Variants in TMPRSS11A observed in about 807,000 individuals in gnomAD.
TMPRSS11A encodes transmembrane protease serine 11A.
TMPRSS11A carries 53 observed loss-of-function variants against 58.9 expected under a neutral mutation model. The ratio of observed to expected loss-of-function variants is 0.90; its 90% CI spans 0.72 to 1.13. TMPRSS11A has a LOEUF of 1.13. Among genes scored for constraint, TMPRSS11A ranks in the 50% most tolerant of loss-of-function variants. TMPRSS11A has a pLI of 0.00. For synonymous variants in TMPRSS11A, 167 were observed against 169.8 expected, an observed-to-expected ratio of 0.98 and a Z score of 0.13; for missense variants, 493 against 499.3, an observed-to-expected ratio of 0.99 and a Z score of 0.12.
Position 67,938,037 on chromosome 4 carries a change from C to G in TMPRSS11A, c.253-5977G>C, listed in dbSNP as rs530303988. On this transcript the variant is annotated intron_variant, in intron 3 of 9. Transcript: ENST00000508048. ...ACGTTTCCAACAGTATTTAAGCATT[C>G]TCTTTCCTCCGCAGTCTCATCAGCA... Among the ~76,000 whole-genome samples, 91 of 152,284 alleles carry G rather than the reference C, an allele frequency of 6.0e-4. 1 individual carries two copies. In the South Asian group the frequency reaches 6.6e-3, roughly 11 times the overall value.
intron 5 of TMPRSS11A, among the ~76,000 whole-genome samples, chr4:67,926,337 T>TGGTA (rs1422870702): frequency 6.6e-6 from 1 of 152,258 alleles, no homozygotes; most frequent in African/African-American, 2.4e-5. Flanking sequence ...TTCTATTTAT[T>TGGTA]GGTAGTCCAT....
intron 8 of TMPRSS11A, among the ~76,000 whole-genome samples, chr4:67,917,997 G>A (rs1271425865): frequency 2.0e-5 from 3 of 152,128 alleles, no homozygotes; most frequent in African/African-American, 7.2e-5. Context: ...AAACCACATG[G>A]GACATCTGGA....
rs554126423 is a variant in TMPRSS11A at position 67,914,685 on chromosome 4, C to G, written c.998G>C (p.Ser333Thr). The change falls in exon 9 of 10, where the codon AGT becomes ACT. Residue 333 changes from serine (S) to threonine (T), a missense_variant. Transcript: ENST00000508048. ...CTGTGGTTGCTTGCAGACATCATCA[C>G]TTATGATTTTCACTCTGGCTTCTCG... Reference protein sequence around the residue: ...DLREARVKIISDDVCKQPQVY... With the variant: ...DLREARVKIITDDVCKQPQVY... 2 of 1,612,918 alleles carry G rather than the reference C, an allele frequency of 1.2e-6. No homozygotes were observed. Among genetic ancestry groups the G allele is most frequent in the Non-Finnish European group, 1.7e-6 (2 of 1,179,356 alleles).
In TMPRSS11A at chr4:67,911,274, C is replaced by T; in HGVS notation, c.*68G>A. 6.9e-7 allele frequency: 1 copy of T among 1,446,840 alleles called. No individual in the cohort carries two copies. Among genetic ancestry groups the T allele is most frequent in the Non-Finnish European group, 9.5e-7 (1 of 1,047,548 alleles). The allele number at this position is 1,446,840 out of a possible 1,614,324, so 89.6% of individuals were successfully genotyped here. A position where few individuals can be genotyped will look rare whatever the true frequency, so the allele number is the denominator to read the frequency against. Reference sequence around the variant, plus strand: ...ATATCACTTTGTTGTACTACACCCACTAAATAGTTGAATTCTCATGCATAT... The same window carrying T: ...ATATCACTTTGTTGTACTACACCCATTAAATAGTTGAATTCTCATGCATAT... On this transcript the variant is annotated 3_prime_UTR_variant, in exon 10 of 10. Coordinates refer to ENST00000508048, the MANE Select transcript of TMPRSS11A (RefSeq NM_001114387.2).
Position 67,945,047 on chromosome 4 carries a change from A to G in TMPRSS11A, c.134-410T>C, listed in dbSNP as rs150739588. Among the ~76,000 whole-genome samples, 748 of 152,312 alleles carry G rather than the reference A, an allele frequency of 4.9e-3. 5 individuals carry two copies. Among genetic ancestry groups the G allele is most frequent in the African/African-American group, 0.015 (627 of 41,572 alleles). On this transcript the variant is annotated intron_variant, in intron 2 of 9. Coordinates refer to ENST00000508048, the MANE Select transcript of TMPRSS11A (RefSeq NM_001114387.2). ...CTACATTGCTCCTTGCTGAGTTGAA[A>G]TGTGTACCATCATACACTCTAGTGG...
chr4:67,930,829 T>TTTTTTTC (rs1265700805), intron 4 of TMPRSS11A, among the ~76,000 whole-genome samples: 11 of 90,158 alleles, frequency 1.2e-4, no homozygotes, highest in South Asian at 3.7e-4. Context: ...TTTTTTTTTT[T>TTTTTTTC]ACAAAAAAAA....
At chr4:67,913,116 G>A (rs1191368437) in intron 9 of TMPRSS11A, among the ~76,000 whole-genome samples, 1 of 151,956 alleles carries the variant, frequency 6.6e-6, no homozygotes. Flanking sequence ...TTACTGTTTG[G>A]TTCTAGGGTA....
chr4:67,949,817 C>T (rs1392923121), intron 1 of TMPRSS11A, among the ~76,000 whole-genome samples: 1 of 152,148 alleles, frequency 6.6e-6, no homozygotes, highest in Non-Finnish European at 1.5e-5. Context: ...TGAAATGGCG[C>T]CACTGCACTC....
intron 3 of TMPRSS11A, among the ~76,000 whole-genome samples, chr4:67,941,096 G>T (rs1485646766): frequency 1.3e-5 from 2 of 152,108 alleles, no homozygotes; most frequent in Non-Finnish European, 2.9e-5. Flanking sequence ...AGGGAACAGG[G>T]GCGGATTATA....
intron 1 of TMPRSS11A, among the ~76,000 whole-genome samples, chr4:67,950,247 G>A (rs1721125439): frequency 6.6e-6 from 1 of 152,132 alleles, no homozygotes; most frequent in Non-Finnish European, 1.5e-5. Context: ...TTAGGTATTA[G>A]GCAGAACTCA....
chr4:67,945,558 T>C (rs1720983187), intron 2 of TMPRSS11A, among the ~76,000 whole-genome samples: 1 of 152,184 alleles, frequency 6.6e-6, no homozygotes, highest in African/African-American at 2.4e-5. Context: ...CCAAATAAAG[T>C]GACCTGAGAA....
intron 5 of TMPRSS11A, among the ~76,000 whole-genome samples, chr4:67,926,510 G>A (rs796578542): frequency 3.9e-5 from 6 of 152,338 alleles, no homozygotes; most frequent in African/African-American, 1.4e-4. Context: ...AGCAGTGATG[G>A]TGGTGGGTCC....
intron 8 of TMPRSS11A, among the ~76,000 whole-genome samples, chr4:67,915,130 C>T (rs533400773): frequency 2.8e-4 from 43 of 151,964 alleles, no homozygotes; most frequent in African/African-American, 1.0e-3. Flanking sequence ...ATACTATGTA[C>T]ATTTATTTTA....
At chr4:67,952,178 T>C (rs1721178508) in intron 1 of TMPRSS11A, among the ~76,000 whole-genome samples, 1 of 152,232 alleles carries the variant, frequency 6.6e-6, no homozygotes, top group Admixed American at 6.5e-5. Flanking sequence ...GCAGAATTAT[T>C]TGTCATCATT....
intron 1 of TMPRSS11A, among the ~76,000 whole-genome samples, chr4:67,950,972 C>A (rs1343567251): frequency 6.6e-6 from 1 of 152,202 alleles, no homozygotes; most frequent in African/African-American, 2.4e-5. Context: ...TGGGCCAAGG[C>A]CAAGGCAGGC....
At chr4:67,945,305 G>A (rs1032649837) in intron 2 of TMPRSS11A, among the ~76,000 whole-genome samples, 1 of 152,228 alleles carries the variant, frequency 6.6e-6, no homozygotes, top group South Asian at 2.1e-4. Flanking sequence ...AAGATACAGA[G>A]TTAAAGATAG....
chr4:67,926,822 G>A (rs1376737623), intron 5 of TMPRSS11A, among the ~76,000 whole-genome samples: 1 of 152,176 alleles, frequency 6.6e-6, no homozygotes, highest in Non-Finnish European at 1.5e-5. Context: ...GGTGCTGGAG[G>A]CAGCATTGGA....
intron 2 of TMPRSS11A, 87 bp from the exon 3 acceptor site, chr4:67,944,724 A>C: frequency 1.8e-6 from 2 of 1,083,730 alleles, no homozygotes. Context: ...TAAATCTTGA[A>C]TATGTCCCTG....
At chr4:67,932,225 T>C (rs1720644827) in intron 3 of TMPRSS11A, among the ~76,000 whole-genome samples, 165 bp from the exon 4 acceptor site, 1 of 152,192 alleles carries the variant, frequency 6.6e-6, no homozygotes, top group East Asian at 1.9e-4. Context: ...ATTTGATGAA[T>C]TAAAAAAATT....
Sources: allele counts gnomAD v4.1 joint callset (sites outside exome capture counted in the v4.1 genomes callset), GRCh38; gene constraint gnomAD v4.1.1; transcripts MANE v1.5; gene names NCBI Gene and HGNC (gene_info 2026-07-23, HGNC 2026-07-21).